The following CDK13 variants were observed in gnomAD, a reference collection of about 807,000 sequenced individuals.
The protein encoded by CDK13 is cyclin-dependent kinase 13.
A neutral mutation model predicts 137.6 loss-of-function variants in CDK13; 40 were observed. The ratio of observed to expected loss-of-function variants is 0.29; its 90% CI spans 0.23 to 0.38. The LOEUF (loss-of-function observed/expected upper bound fraction) is 0.38. Ranked by LOEUF, CDK13 falls within the 10% of genes least tolerant of loss-of-function variation. The probability of loss-of-function intolerance (pLI) is 1.00; values close to 1 mark genes in which losing one functional copy is unlikely to be tolerated. For missense variants in CDK13, 1,704 were observed against 1,951.8 expected (o/e 0.87, Z 2.39); for synonymous variants, 869 against 760.1 (o/e 1.14, Z -2.36).
intron 1 of CDK13, among the ~76,000 whole-genome samples, chr7:39,959,239 G>T (rs536855732): frequency 2.0e-5 from 3 of 150,186 alleles, no homozygotes; most frequent in African/African-American, 7.4e-5. Context: ...TCGGCTCACC[G>T]CAACCTCTGC....
rs189435096 is a variant in CDK13, at chr7:40,096,083, G to C, written c.*1103G>C. 6.6e-6 allele frequency: 1 copy of C among 152,268 alleles called. No homozygotes were observed. 9.4% of individuals were successfully genotyped at this position (152,268 alleles called of 1,614,324 possible). ...ATAATTGGAGGGTCATGGTATAGAA[G>C]CAAGAGTTAATAACAGAACTTGCCT... On this transcript the variant is annotated 3_prime_UTR_variant, in exon 14 of 14. Coordinates refer to ENST00000181839, the MANE Select transcript of CDK13 (RefSeq NM_003718.5).
At chr7:40,028,054 C>G (rs555924896) in intron 5 of CDK13, among the ~76,000 whole-genome samples, 1 of 149,516 alleles carries the variant, frequency 6.7e-6, no homozygotes, top group South Asian at 2.1e-4. Flanking sequence ...CTGTCACTTG[C>G]AAGAGTGACA....
intron 1 of CDK13, among the ~76,000 whole-genome samples, chr7:39,957,090 C>CGTGTGT (rs70996865): frequency 0.028 from 3,892 of 140,980 alleles, 126 homozygotes; most frequent in African/African-American, 0.079. Context: ...ATCCCACTGT[C>CGTGTGT]GTGTGTGTGT....
intron 1 of CDK13, chr7:39,986,932 C>A (rs1281625416): frequency 6.6e-6 from 1 of 152,140 alleles, no homozygotes; most frequent in Non-Finnish European, 1.5e-5. Flanking sequence ...GGACTACAGG[C>A]GTGTGCCACC....
Position 39,950,522 on chromosome 7 carries a change from G to C in CDK13, c.-120G>C. 7.9e-7 allele frequency: 1 copy of C among 1,265,904 alleles called. No homozygotes were observed. The highest frequency in any genetic ancestry group is 9.9e-7 in the Non-Finnish European group (1 of 1,006,468). 78.4% of individuals were successfully genotyped at this position (1,265,904 alleles called of 1,614,324 possible). ...CCCGGATTATCGTGGCGCTTTTCCCGGCCGGCTCTGGTGCTCGGTGTCCCT... is the reference window on the plus strand; with the variant it reads ...CCCGGATTATCGTGGCGCTTTTCCCCGCCGGCTCTGGTGCTCGGTGTCCCT... On this transcript the variant is annotated 5_prime_UTR_variant, in exon 1 of 14. Coordinates refer to ENST00000181839, the MANE Select transcript of CDK13 (RefSeq NM_003718.5).
intron 1 of CDK13, among the ~76,000 whole-genome samples, chr7:39,958,685 T>C (rs558737496): frequency 6.6e-6 from 1 of 152,250 alleles, no homozygotes; most frequent in African/African-American, 2.4e-5. Flanking sequence ...TGATAAATTC[T>C]TAGTTTTGTT....
chr7:40,029,842 C>T lies in CDK13; in HGVS notation c.2354-15994C>T, dbSNP rs1055989787. ...TAATTTTTTGTAGTTTTAGTAGAGA[C>T]GGAGTTTCACTATGCTGGCCAGGCT... On this transcript the variant is annotated intron_variant, in intron 5 of 13. Coordinates refer to ENST00000181839, the MANE Select transcript of CDK13 (RefSeq NM_003718.5). 1.1e-4 allele frequency among the ~76,000 whole-genome samples: 17 copies of T among 152,026 alleles called. No homozygotes were observed. In the East Asian group the frequency reaches 2.4e-3, roughly 21 times the overall value.
intron 5 of CDK13, among the ~76,000 whole-genome samples, chr7:40,020,617 C>G (rs1785096980): frequency 6.6e-6 from 1 of 152,178 alleles, no homozygotes; most frequent in Admixed American, 6.5e-5. Flanking sequence ...ATTTCCAACT[C>G]TTATAACAGA....
At chr7:39,965,220 G>A (rs1236942823) in intron 1 of CDK13, among the ~76,000 whole-genome samples, 1 of 152,148 alleles carries the variant, frequency 6.6e-6, no homozygotes. Context: ...TGTTGACAGT[G>A]GGGTGTTAAA....
At chr7:39,999,253 G>T in intron 3 of CDK13, 108 bp from the exon 4 acceptor site, 1 of 859,244 alleles carries the variant, frequency 1.2e-6, no homozygotes, top group Admixed American at 2.9e-5. Context: ...TGCAAGGGTA[G>T]GGAAAAATAA....
chr7:40,092,823 T>C lies in CDK13; in HGVS notation c.3274T>C (p.Leu1092=), dbSNP rs751477676. ...TGGACAGCACTTAAACCACAGTGAATTGGCAATTCTACTAAACCTACTACA... is the reference window on the plus strand; with the variant it reads ...TGGACAGCACTTAAACCACAGTGAACTGGCAATTCTACTAAACCTACTACA... ...GPGQHLNHSE[L]AILLNLLQSK... Residue 1092 remains leucine (L), a synonymous_variant, in exon 13 of 14, where the codon TTG becomes CTG. Transcript: ENST00000181839. 8 of 1,614,068 alleles carry C rather than the reference T, an allele frequency of 5.0e-6. No homozygotes were observed. In the African/African-American group the frequency reaches 9.3e-5, roughly 19 times the overall value.
chr7:40,030,380 A>G (rs142410597), intron 5 of CDK13, among the ~76,000 whole-genome samples: 1 of 149,860 alleles, frequency 6.7e-6, no homozygotes, highest in Non-Finnish European at 1.5e-5. Flanking sequence ...TTAAAAGTCC[A>G]GTGTTCATCC....
At chr7:40,022,617 G>T (rs2150497905) in intron 5 of CDK13, among the ~76,000 whole-genome samples, 1 of 151,744 alleles carries the variant, frequency 6.6e-6, no homozygotes, top group African/African-American at 2.4e-5. Flanking sequence ...GAGGATTGGG[G>T]CTGGGGTGGG....
At chr7:40,054,209 CA>C (rs1266849355) in intron 7 of CDK13, among the ~76,000 whole-genome samples, 2 of 152,078 alleles carry the variant, frequency 1.3e-5, no homozygotes, top group East Asian at 3.8e-4. Context: ...ATATTTTTGA[CA>C]AATGAGTTAT....
intron 5 of CDK13, among the ~76,000 whole-genome samples, chr7:40,024,784 C>G (rs1785209471): frequency 1.3e-5 from 2 of 151,106 alleles, no homozygotes; most frequent in Admixed American, 1.3e-4. Context: ...CTGCGTCTAC[C>G]TCCTGAGTAG....
chr7:40,063,515 C>CTA (rs1786201908), intron 9 of CDK13, among the ~76,000 whole-genome samples: 2 of 152,002 alleles, frequency 1.3e-5, no homozygotes, highest in African/African-American at 4.8e-5. Flanking sequence ...AAATATGTGT[C>CTA]TATATATGTG....
chr7:40,047,934 A>G, intron 7 of CDK13, 57 bp downstream of exon 7: 1 of 1,038,552 alleles, frequency 9.6e-7, no homozygotes, highest in South Asian at 1.3e-5. Flanking sequence ...TAGAAGCTAT[A>G]CTAAGAATAC....
chr7:39,958,227 T>G (rs1255504908), intron 1 of CDK13, among the ~76,000 whole-genome samples: 1 of 152,198 alleles, frequency 6.6e-6, no homozygotes, highest in Non-Finnish European at 1.5e-5. Context: ...GCCTCCCTGC[T>G]TTTCTGTTTG....
chr7:40,054,139 G>T (rs990614301), intron 7 of CDK13, among the ~76,000 whole-genome samples: 22 of 152,092 alleles, frequency 1.4e-4, no homozygotes, highest in African/African-American at 5.1e-4. Flanking sequence ...GCAATTTTTA[G>T]AGTTCTTTTT....
Sources: allele counts gnomAD v4.1 joint callset (sites outside exome capture counted in the v4.1 genomes callset), GRCh38; gene constraint gnomAD v4.1.1; transcripts MANE v1.5; gene names NCBI Gene and HGNC (gene_info 2026-07-23, HGNC 2026-07-21).